Variants in WDR36 observed in about 807,000 individuals in gnomAD.
The protein encoded by WDR36 is WD repeat-containing protein 36.
WDR36 carries 63 observed loss-of-function variants against 112.7 expected under a neutral mutation model. The ratio of observed to expected loss-of-function variants is 0.56; its 90% CI spans 0.46 to 0.69. The LOEUF (loss-of-function observed/expected upper bound fraction) is 0.69. Ranked by LOEUF, WDR36 falls within the 30% of genes least tolerant of loss-of-function variation. The probability of loss-of-function intolerance (pLI) is 0.00; values close to 1 mark genes in which losing one functional copy is unlikely to be tolerated. For missense variants in WDR36, 1,226 were observed against 1,070.3 expected, an observed-to-expected ratio of 1.15 and a Z score of -2.03; for synonymous variants, 410 against 362.2, an observed-to-expected ratio of 1.13 and a Z score of -1.50.
chr5:111,112,685 A>T (rs1427122389), intron 15 of WDR36, among the ~76,000 whole-genome samples: 1 of 152,034 alleles, frequency 6.6e-6, no homozygotes, highest in Admixed American at 6.6e-5. Flanking sequence ...ATAAAGCATT[A>T]TTAAAAGAGA....
intron 17 of WDR36, among the ~76,000 whole-genome samples, chr5:111,119,512 C>T (rs1304980330): frequency 1.3e-5 from 2 of 152,072 alleles, no homozygotes; most frequent in Non-Finnish European, 2.9e-5. Context: ...AAATAAGGCA[C>T]AAGTATAAGC....
In WDR36 at chr5:111,106,103, C is replaced by G; in HGVS notation, c.1140C>G (p.Thr380=). ...TTAAACGTAAAGGACTTCAGAATACCATGTCAGTGAGACTTCCACCCATCA... is the reference window on the plus strand; with the variant it reads ...TTAAACGTAAAGGACTTCAGAATACGATGTCAGTGAGACTTCCACCCATCA... ...KRVKRKGLQN[T]MSVRLPPITK... Residue 380 remains threonine, a synonymous_variant, in exon 11 of 23, where the codon ACC becomes ACG. Transcript: ENST00000513710. 6.2e-7 allele frequency: 1 copy of G among 1,609,848 alleles called. No individual in the cohort carries two copies. Among genetic ancestry groups the G allele is most frequent in the African/African-American group, 1.3e-5 (1 of 74,730 alleles).
chr5:111,114,233 A>C lies in WDR36; in HGVS notation c.1796+1080A>C, dbSNP rs74368689. Among the ~76,000 whole-genome samples, 9 of 152,322 alleles carry C rather than the reference A, an allele frequency of 5.9e-5. No individual in the cohort carries two copies. The East Asian group carries it at 9.6e-4, about 16-fold the overall frequency. On this transcript the variant is annotated intron_variant, in intron 16 of 22. Transcript: ENST00000513710. ...CATTTAACATAGGATTGCTTAGATG[A>C]GTATGAAGAAAGGAAGAATTGTGGG...
chr5:111,110,578 G>A (rs1753311163), intron 13 of WDR36, among the ~76,000 whole-genome samples: 1 of 151,296 alleles, frequency 6.6e-6, no homozygotes, highest in African/African-American at 2.4e-5. Context: ...TCAAACCTAT[G>A]TTGTATCGAT....
rs1753687591 is a variant in WDR36 at position 111,126,870 on chromosome 5, G to A, written c.2675G>A (p.Ser892Asn). The A allele has an allele frequency of 6.2e-7, 1 of 1,601,952 alleles. No homozygotes were observed. Among genetic ancestry groups the A allele is most frequent in the South Asian group, 1.1e-5 (1 of 88,456 alleles). The change falls in exon 23 of 23, where the codon AGT (serine) becomes AAT (asparagine). Residue 892 changes from serine (S) to asparagine (N), a missense_variant. Transcript: ENST00000513710. ...ATGTGTATTTTAAATTATCTCAAAA[G>A]TGCTTTGTTGTAAAAATAAATTTGT... is the stretch of plus-strand genomic sequence containing the variant. ...QSMCILNYLK[S>N]ALL
intron 4 of WDR36, among the ~76,000 whole-genome samples, chr5:111,100,191 C>T (rs1031241851): frequency 2.6e-5 from 4 of 151,698 alleles, no homozygotes; most frequent in Non-Finnish European, 5.9e-5. Flanking sequence ...ATTGGCTCTT[C>T]GTTCCCTGAA....
At chr5:111,099,261 G>A (rs191892935) in intron 4 of WDR36, among the ~76,000 whole-genome samples, 2 of 152,026 alleles carry the variant, frequency 1.3e-5, no homozygotes, top group Non-Finnish European at 2.9e-5. Flanking sequence ...ATATGAGTCA[G>A]TTTCTTTCAA....
chr5:111,094,975 T>C (rs1401838866), intron 2 of WDR36, 28 bp downstream of exon 2: 3 of 1,597,546 alleles, frequency 1.9e-6, no homozygotes, highest in Admixed American at 1.7e-5. Flanking sequence ...TCTGAATTTA[T>C]GCACATCTAA....
In WDR36 at chr5:111,129,567, C is replaced by CT. The variant is rs1332285754; in HGVS notation, c.*2688dup. The CT allele has an allele frequency of 2.0e-5, 4 of 202,452 alleles. No individual in the cohort carries two copies. The highest frequency in any genetic ancestry group is 6.9e-5 in the African/African-American group (3 of 43,658). The allele number at this position is 202,452 out of a possible 1,614,324, so 12.5% of individuals were successfully genotyped here. A position where few individuals can be genotyped will look rare whatever the true frequency, so the allele number is the denominator to read the frequency against. Reference sequence around the variant, plus strand: ...TCATTTTTCTATTGAATGATTTGTCCTTTTATCTCATGGATTTGTTAGGAG... The same window carrying CT: ...TCATTTTTCTATTGAATGATTTGTCCTTTTTATCTCATGGATTTGTTAGGAG... On this transcript the variant is annotated 3_prime_UTR_variant, in exon 23 of 23. Coordinates refer to ENST00000513710, the MANE Select transcript of WDR36 (RefSeq NM_139281.3).
intron 16 of WDR36, among the ~76,000 whole-genome samples, chr5:111,114,224 G>A (rs1235878295): frequency 1.3e-5 from 2 of 152,156 alleles, no homozygotes. Context: ...ACATAGGATT[G>A]CTTAGATGAG....
Position 111,104,159 on chromosome 5 carries a change from A to C in WDR36, c.731-18A>C. The C allele has an allele frequency of 6.2e-7, 1 of 1,602,078 alleles. No homozygotes were observed. ...GATCTAGAAGTATTTTTCTTAATGT[A>C]TTTTATTTTAATAACAGATGGTCAT... is the stretch of plus-strand genomic sequence containing the variant. On this transcript the variant is annotated intron_variant, in intron 7 of 22. Coordinates refer to ENST00000513710, the MANE Select transcript of WDR36 (RefSeq NM_139281.3).
In WDR36 at chr5:111,104,335, G is replaced by A. The variant is rs142687756; in HGVS notation, c.889G>A (p.Ala297Thr). ...HREPLLVTNGADNALRIWIFD... is the reference protein window; with the variant it reads ...HREPLLVTNGTDNALRIWIFD... The stretch of plus-strand genomic sequence containing the variant: ...AGAGCCACTTCTTGTCACAAATGGC[G>A]CTGACAATGCTCTTAGGGTATTATG... The change falls in exon 8 of 23, where the codon GCT (alanine) becomes ACT (threonine). Residue 297 changes from alanine to threonine, a missense_variant. By Grantham distance (58) the Ala-to-Thr change is moderately conservative. Coordinates refer to ENST00000513710, the MANE Select transcript of WDR36 (RefSeq NM_139281.3). 6.2e-6 allele frequency: 10 copies of A among 1,611,754 alleles called. No individual in the cohort carries two copies. Among genetic ancestry groups the A allele is most frequent in the East Asian group, 2.2e-5 (1 of 44,826 alleles).
At position 111,111,127 on chromosome 5, in the gene WDR36, A is replaced by G. The variant is rs1176597057; in HGVS notation, c.1608-43A>G. On this transcript the variant is annotated intron_variant, in intron 14 of 22. Transcript: ENST00000513710. ...TCAAGTGGAGGTGAGATTTTAGTTC[A>G]AGGGTTTTTTGTTTATTAAAACTGG... 7 of 1,595,104 alleles carry G rather than the reference A, an allele frequency of 4.4e-6. No individual in the cohort carries two copies. The African/African-American group carries it at 6.7e-5, about 15-fold the overall frequency.
Position 111,118,688 on chromosome 5 carries a change from A to G in WDR36, c.1797-325A>G, listed in dbSNP as rs547246391. 8.5e-4 allele frequency among the ~76,000 whole-genome samples: 130 copies of G among 152,284 alleles called. 1 individual carries two copies. The highest frequency in any genetic ancestry group is 2.9e-3 in the African/African-American group (119 of 41,568). On this transcript the variant is annotated intron_variant, in intron 16 of 22. Coordinates refer to ENST00000513710, the MANE Select transcript of WDR36 (RefSeq NM_139281.3). ...TTATTTTAAATGTTATATCTTTAGA[A>G]TTGTCTCCAAGTCAGTCTACCAAAA...
chr5:111,094,983 TA>T, intron 2 of WDR36, 36 bp downstream of exon 2: 1 of 1,584,404 alleles, frequency 6.3e-7, no homozygotes, highest in Non-Finnish European at 8.6e-7. Flanking sequence ...TATGCACATC[TA>T]AACTTTTTTT....
Position 111,092,599 on chromosome 5 carries a change from A to G in WDR36, c.143A>G (p.Lys48Arg), listed in dbSNP as rs750936332. Residue 48 changes from lysine to arginine, a missense_variant, in exon 1 of 23, where the codon AAG becomes AGG. By Grantham distance (26) the Lys-to-Arg change is conservative. Transcript: ENST00000513710. ...TTCTATGTAACAACCTGCGTGGGCA[A>G]GAGTTTCCACACCTATGACGTGAGT... ...RRFYVTTCVG[K>R]SFHTYDVQKL... is the part of the protein sequence containing the mutation. 7.4e-6 allele frequency: 12 copies of G among 1,613,536 alleles called. No individual in the cohort carries two copies. In the South Asian group the frequency reaches 9.9e-5, roughly 13 times the overall value.
chr5:111,100,266 A>T (rs17132780), intron 4 of WDR36, among the ~76,000 whole-genome samples: 2,214 of 152,052 alleles, frequency 0.015, 50 homozygotes, highest in African/African-American at 0.051. Flanking sequence ...TTACAGAAAC[A>T]TGAATGCTAA....
chr5:111,113,035 A>AATATATATAT (rs376288151), intron 15 of WDR36, 39 bp from the exon 16 acceptor site: 9 of 352,716 alleles, frequency 2.6e-5, no homozygotes, highest in African/African-American at 5.5e-5. Flanking sequence ...ATATATAAAT[A>AATATATATAT]ATATATATAT....
In WDR36 at chr5:111,121,153, C is replaced by T. The variant is rs2112588690; in HGVS notation, c.2148+12C>T. 2 of 1,613,108 alleles carry T rather than the reference C, an allele frequency of 1.2e-6. No homozygotes were observed. The highest frequency in any genetic ancestry group is 1.3e-5 in the African/African-American group (1 of 74,958). ...TTGATGTTATTAAGGTAATAATTAA[C>T]ATTCTTTATAGACCCTAAGCATGCA... is the stretch of plus-strand genomic sequence containing the variant. On this transcript the variant is annotated intron_variant, in intron 19 of 22. Coordinates refer to ENST00000513710, the MANE Select transcript of WDR36 (RefSeq NM_139281.3).
Sources: allele counts gnomAD v4.1 joint callset (sites outside exome capture counted in the v4.1 genomes callset), GRCh38; gene constraint gnomAD v4.1.1; transcripts MANE v1.5; gene names NCBI Gene and HGNC (gene_info 2026-07-23, HGNC 2026-07-21).